Variants in GLIS1 observed in about 807,000 individuals in gnomAD.
The protein encoded by GLIS1 is GLIS family zinc finger 1, also known as zinc finger protein GLIS1.
A neutral mutation model predicts 63.8 loss-of-function variants in GLIS1; 24 were observed. The observed-to-expected ratio is 0.38, with a 90% CI of 0.27 to 0.53. The LOEUF (loss-of-function observed/expected upper bound fraction) is 0.53. GLIS1 is among the 20% of genes least tolerant of loss of function. The probability of loss-of-function intolerance (pLI) is 0.85; values close to 1 mark genes in which losing one functional copy is unlikely to be tolerated. For synonymous variants in GLIS1, 450 were observed against 482.5 expected (o/e 0.93, Z 0.88); for missense variants, 1,036 against 1,074.1 (o/e 0.96, Z 0.50).
intron 4 of GLIS1, among the ~76,000 whole-genome samples, chr1:53,543,517 C>A (rs3887589): frequency 1.3e-5 from 2 of 152,096 alleles, no homozygotes; most frequent in Non-Finnish European, 2.9e-5. Context: ...GATAGCAAAC[C>A]CCTGGCCCCT....
chr1:53,508,580 G>A (rs1001259979), intron 10 of GLIS1, among the ~76,000 whole-genome samples: 4 of 152,132 alleles, frequency 2.6e-5, no homozygotes, highest in South Asian at 2.1e-4. Context: ...GTTCCACCTG[G>A]GCTGCGGGCA....
At chr1:53,601,865 G>A (rs1645321372) in intron 2 of GLIS1, among the ~76,000 whole-genome samples, 1 of 152,190 alleles carries the variant, frequency 6.6e-6, no homozygotes, top group African/African-American at 2.4e-5. Flanking sequence ...TCCCCATGCT[G>A]AGGCCGGGCA....
intron 2 of GLIS1, among the ~76,000 whole-genome samples, chr1:53,638,316 G>A (rs1167571858): frequency 1.3e-5 from 2 of 152,312 alleles, no homozygotes; most frequent in Admixed American, 6.5e-5. Flanking sequence ...AACGTGGTCC[G>A]TTCCCATCAC....
chr1:53,681,217 C>T (rs1243259811), intron 2 of GLIS1, among the ~76,000 whole-genome samples: 1 of 152,272 alleles, frequency 6.6e-6, no homozygotes, highest in Non-Finnish European at 1.5e-5. Flanking sequence ...AAGACGCATG[C>T]CCAGCTGTCA....
intron 2 of GLIS1, among the ~76,000 whole-genome samples, chr1:53,722,014 A>C (rs564145551): frequency 6.6e-6 from 1 of 152,340 alleles, no homozygotes; most frequent in South Asian, 2.1e-4. Context: ...CCAATTTGCA[A>C]AAGAGGAGAT....
chr1:53,709,417 C>CATAT (rs879357045), intron 2 of GLIS1, among the ~76,000 whole-genome samples: 4 of 122,786 alleles, frequency 3.3e-5, no homozygotes, highest in African/African-American at 1.5e-4. Flanking sequence ...TATATACACA[C>CATAT]ACACACACAC....
intron 2 of GLIS1, among the ~76,000 whole-genome samples, chr1:53,709,822 G>A (rs1490630725): frequency 6.6e-6 from 1 of 152,174 alleles, no homozygotes; most frequent in African/African-American, 2.4e-5. Context: ...TGGGTGGGTG[G>A]ATGAAGATAT....
chr1:53,529,079 G>A (rs1328628165), intron 5 of GLIS1, among the ~76,000 whole-genome samples: 1 of 152,226 alleles, frequency 6.6e-6, no homozygotes, highest in Non-Finnish European at 1.5e-5. Flanking sequence ...CCTGCCCAGA[G>A]CACAGGGTCT....
At chr1:53,738,709 A>C (rs958040586) in intron 1 of GLIS1, among the ~76,000 whole-genome samples, 1 of 152,176 alleles carries the variant, frequency 6.6e-6, no homozygotes, top group African/African-American at 2.4e-5. Flanking sequence ...CATCACGCGC[A>C]GCCGGGACAC....
intron 4 of GLIS1, among the ~76,000 whole-genome samples, chr1:53,582,093 C>T (rs1329075103): frequency 6.6e-6 from 1 of 152,158 alleles, no homozygotes; most frequent in Non-Finnish European, 1.5e-5. Flanking sequence ...TCTACTTAGA[C>T]TGTATCAGGG....
intron 5 of GLIS1, among the ~76,000 whole-genome samples, chr1:53,527,433 C>T (rs962930658): frequency 1.3e-5 from 2 of 152,250 alleles, no homozygotes; most frequent in Non-Finnish European, 2.9e-5. Flanking sequence ...GGGCCTCACA[C>T]CTGCTGCCTC....
chr1:53,637,435 T>C (rs1443474091), intron 2 of GLIS1, among the ~76,000 whole-genome samples: 1 of 152,200 alleles, frequency 6.6e-6, no homozygotes, highest in Non-Finnish European at 1.5e-5. Context: ...GTCACTCTTC[T>C]ATCTGTGAGA....
In GLIS1 at chr1:53,520,695, G is replaced by A. The variant is rs1053872099; in HGVS notation, c.1665C>T (p.Ser555=). 8.1e-6 allele frequency: 13 copies of A among 1,608,106 alleles called. No individual in the cohort carries two copies. The African/African-American group carries it at 1.6e-4, about 20-fold the overall frequency. The change falls in exon 7 of 11, where the codon TCC becomes TCT. Residue 555 remains serine (S), a synonymous_variant. Transcript: ENST00000628545. ...TGCCGTCGCTGGCAGCCAGCTGTGT[G>A]GACGTGTGGAGCTGCTGCAGGACCA... ...ECLVLQQLHT[S]TQLAASDGKG...
In GLIS1 at chr1:53,701,742, C is replaced by CA. The variant is rs1186504439; in HGVS notation, c.259+36063dup. On this transcript the variant is annotated intron_variant, in intron 2 of 10. Transcript: ENST00000628545. The stretch of plus-strand genomic sequence containing the variant: ...GTGTGGTGGCTCATGCCTGTAATCC[C>CA]AGCACTTTGGGGGGCCGAGGCCAGT... Among the ~76,000 whole-genome samples the CA allele has an allele frequency of 3.9e-5, 6 of 152,116 alleles. No homozygotes were observed. In the East Asian group the frequency reaches 1.2e-3, roughly 29 times the overall value.
rs922813612 is a variant in GLIS1 at position 53,547,217 on chromosome 1, C to T, written c.1321-17265G>A. ...ATGGGAAGACTGGGGCTGGGTAAGG[C>T]GAAAAGACCTGCTCAAGGCTGCCCA... On this transcript the variant is annotated intron_variant, in intron 4 of 10. Transcript: ENST00000628545. 5.3e-5 allele frequency among the ~76,000 whole-genome samples: 8 copies of T among 152,332 alleles called. No individual in the cohort carries two copies. In the South Asian group the frequency reaches 1.0e-3, roughly 20 times the overall value.
intron 4 of GLIS1, among the ~76,000 whole-genome samples, chr1:53,553,457 TA>T (rs376162687): frequency 0.044 from 6,690 of 152,270 alleles, 508 homozygotes; most frequent in African/African-American, 0.15. Flanking sequence ...TCCAAGAAGC[TA>T]AGCATCATTC....
chr1:53,507,484 C>T (rs960255312), intron 10 of GLIS1, among the ~76,000 whole-genome samples: 3 of 152,192 alleles, frequency 2.0e-5, no homozygotes, highest in Admixed American at 2.0e-4. Flanking sequence ...TTGGGAGGGG[C>T]CGGGAGGGGT....
intron 4 of GLIS1, among the ~76,000 whole-genome samples, chr1:53,545,207 G>A (rs1299920229): frequency 6.6e-6 from 1 of 152,206 alleles, no homozygotes; most frequent in Non-Finnish European, 1.5e-5. Flanking sequence ...TCCCAGGGCT[G>A]TGGAGAGTCA....
chr1:53,510,992 G>A (rs912628810), intron 8 of GLIS1, among the ~76,000 whole-genome samples: 6 of 152,182 alleles, frequency 3.9e-5, no homozygotes, highest in African/African-American at 1.4e-4. Flanking sequence ...CCCAGCCCGA[G>A]GGCCCACTAC....
Sources: gnomAD v4.1 joint callset for allele counts (sites outside exome capture counted in the v4.1 genomes callset) on GRCh38, gnomAD v4.1.1 for gene constraint, MANE v1.5 for transcripts, NCBI Gene and HGNC (gene_info 2026-07-23, HGNC 2026-07-21) for gene names.